The following CA8 variants were observed in gnomAD, a reference collection of about 807,000 sequenced individuals.
The protein encoded by CA8 is carbonic anhydrase 8 (inactive).
A neutral mutation model predicts 41.4 loss-of-function variants in CA8; 22 were observed. The ratio of observed to expected loss-of-function variants is 0.53; its 90% CI spans 0.38 to 0.76. The LOEUF is 0.76. Among genes scored for constraint, CA8 ranks in the 30% least tolerant of loss-of-function variants. The pLI is 0.00. For missense variants in CA8, 270 were observed against 352.8 expected (o/e 0.77, Z 1.88); for synonymous variants, 121 against 130.6 (o/e 0.93, Z 0.50).
chr8:60,216,328 G>A (rs55733749), intron 7 of CA8, among the ~76,000 whole-genome samples: 55,702 of 151,834 alleles, frequency 0.37, 10,642 homozygotes, highest in Admixed American at 0.45. Context: ...ACTCTAAATT[G>A]CATTTTAATA....
chr8:60,280,950 G>A, intron 1 of CA8, 98 bp downstream of exon 1: 2 of 857,872 alleles, frequency 2.3e-6, no homozygotes, highest in East Asian at 2.5e-5. Context: ...GCGTGGGGGT[G>A]CTCGGAGCGC....
At chr8:60,255,273 C>T (rs542072786) in intron 3 of CA8, among the ~76,000 whole-genome samples, 3 of 151,882 alleles carry the variant, frequency 2.0e-5, no homozygotes, top group South Asian at 2.1e-4. Flanking sequence ...TTCCCGCCCC[C>T]GCCTAATTCT....
At chr8:60,273,317 T>C (rs146312860) in intron 2 of CA8, among the ~76,000 whole-genome samples, 2 of 152,364 alleles carry the variant, frequency 1.3e-5, no homozygotes, top group East Asian at 1.9e-4. Context: ...ATAGAACTTT[T>C]TGACTTTTGG....
At chr8:60,227,740 T>C (rs1454735835) in intron 4 of CA8, among the ~76,000 whole-genome samples, 1 of 152,194 alleles carries the variant, frequency 6.6e-6, no homozygotes, top group Admixed American at 6.5e-5. Flanking sequence ...CTTCTAGACA[T>C]AATTTTATAA....
Position 60,224,590 on chromosome 8 carries a change from A to G in CA8, c.577-5T>C. On this transcript the variant is annotated splice_polypyrimidine_tract_variant and splice_region_variant and intron_variant, in intron 5 of 8. Coordinates refer to ENST00000317995, the MANE Select transcript of CA8 (RefSeq NM_004056.6). ...AGGTATTGTTTTGGACTTCCCCTGA[A>G]AAAGAAAAAAATATTTACCCAATGT... The G allele has an allele frequency of 6.6e-7, 1 of 1,511,560 alleles. No homozygotes were observed. The highest frequency in any genetic ancestry group is 9.2e-7 in the Non-Finnish European group (1 of 1,088,406). The allele number at this position is 1,511,560 out of a possible 1,614,324, so 93.6% of individuals were successfully genotyped here.
At chr8:60,232,096 A>AT (rs1807667814) in intron 4 of CA8, among the ~76,000 whole-genome samples, 188 bp downstream of exon 4, 1 of 152,170 alleles carries the variant, frequency 6.6e-6, no homozygotes, top group African/African-American at 2.4e-5. Context: ...TAAAGGAACT[A>AT]TTTTCTACCA....
At chr8:60,239,995 A>G (rs1056112658) in intron 3 of CA8, among the ~76,000 whole-genome samples, 2 of 152,204 alleles carry the variant, frequency 1.3e-5, no homozygotes, top group South Asian at 4.1e-4. Context: ...TGTCTTTATC[A>G]GCAGCATGAA....
At chr8:60,236,222 C>A (rs1026248554) in intron 3 of CA8, among the ~76,000 whole-genome samples, 5 of 152,164 alleles carry the variant, frequency 3.3e-5, no homozygotes, top group African/African-American at 1.2e-4. Flanking sequence ...TGAGGTCCCC[C>A]AAGGGAGAAG....
rs1369077775 is a variant in CA8 at position 60,189,657 on chromosome 8, T to C, written c.*364A>G. ...GAACTACTAACACCGGGAATGTATT[T>C]TTCCTTTCTCAATATTAACACATGA... On this transcript the variant is annotated 3_prime_UTR_variant, in exon 9 of 9. Transcript: ENST00000317995. The C allele has an allele frequency of 1.3e-5, 2 of 152,508 alleles. No homozygotes were observed. Among genetic ancestry groups the C allele is most frequent in the Admixed American group, 1.3e-4 (2 of 15,260 alleles). The allele number at this position is 152,508 out of a possible 1,614,324, so 9.4% of individuals were successfully genotyped here.
chr8:60,233,056 T>C (rs952524247), intron 3 of CA8, among the ~76,000 whole-genome samples: 11 of 152,206 alleles, frequency 7.2e-5, no homozygotes, highest in Non-Finnish European at 1.5e-4. Context: ...TTATCTAGAA[T>C]ATGCACTTGC....
chr8:60,246,083 T>G (rs1033752983), intron 3 of CA8, among the ~76,000 whole-genome samples: 4 of 152,166 alleles, frequency 2.6e-5, no homozygotes, highest in Admixed American at 2.6e-4. Flanking sequence ...TCTCCAGGAC[T>G]GACTAGAGAC....
At chr8:60,193,485 A>G (rs905511369) in intron 8 of CA8, among the ~76,000 whole-genome samples, 2 of 152,144 alleles carry the variant, frequency 1.3e-5, no homozygotes, top group African/African-American at 4.8e-5. Context: ...AATATCAAGT[A>G]GCTTCTGGGA....
intron 2 of CA8, among the ~76,000 whole-genome samples, chr8:60,271,234 A>G (rs1419193371): frequency 1.3e-5 from 2 of 152,204 alleles, no homozygotes; most frequent in East Asian, 3.9e-4. Flanking sequence ...CCCAGCTACC[A>G]GACAGGCTGA....
intron 3 of CA8, among the ~76,000 whole-genome samples, chr8:60,262,361 A>C (rs931991079): frequency 3.3e-5 from 5 of 151,532 alleles, no homozygotes; most frequent in Non-Finnish European, 2.9e-5. Flanking sequence ...AAAATCATAT[A>C]GCATTAAAGT....
chr8:60,245,075 T>C (rs1808180710), intron 3 of CA8, among the ~76,000 whole-genome samples: 1 of 152,198 alleles, frequency 6.6e-6, no homozygotes, highest in Admixed American at 6.5e-5. Flanking sequence ...AACATAGTCT[T>C]CATAATCATT....
intron 3 of CA8, among the ~76,000 whole-genome samples, chr8:60,243,765 G>A (rs1215633060): frequency 2.0e-5 from 3 of 152,080 alleles, no homozygotes; most frequent in Non-Finnish European, 4.4e-5. Context: ...GGGTTTCGTG[G>A]TGCCACACTC....
intron 8 of CA8, chr8:60,208,134 G>C (rs1806703369): frequency 6.6e-6 from 1 of 152,362 alleles, no homozygotes. Flanking sequence ...AGTTCCTTAA[G>C]AGTAAGGAAT....
chr8:60,238,931 G>T (rs112950288), intron 3 of CA8, among the ~76,000 whole-genome samples: 2 of 152,122 alleles, frequency 1.3e-5, no homozygotes, highest in African/African-American at 4.8e-5. Flanking sequence ...AAAGATGGAG[G>T]CTGGAGATGC....
In CA8 at chr8:60,210,380, C is replaced by T. The variant is rs556778787; in HGVS notation, c.739-1461G>A. On this transcript the variant is annotated intron_variant, in intron 7 of 8. Transcript: ENST00000317995. ...AGAGAAATGAAACACAAGACAGCAA[C>T]TAATTCAGGGGTTTCAACAAAGTCA... Among the ~76,000 whole-genome samples, 4 of 152,278 alleles carry T rather than the reference C, an allele frequency of 2.6e-5. No individual in the cohort carries two copies. In the East Asian group the frequency reaches 7.7e-4, roughly 29 times the overall value.
Sources: allele counts gnomAD v4.1 joint callset (sites outside exome capture counted in the v4.1 genomes callset), GRCh38; gene constraint gnomAD v4.1.1; transcripts MANE v1.5; gene names NCBI Gene and HGNC (gene_info 2026-07-23, HGNC 2026-07-21).